The following ZDHHC6 variants were observed in gnomAD, a reference collection of about 807,000 sequenced individuals.
The protein encoded by ZDHHC6 is zDHHC palmitoyltransferase 6, also known as palmitoyltransferase ZDHHC6.
In ZDHHC6, 32 loss-of-function variants were observed where a neutral mutation model predicts 57.8. The observed-to-expected ratio is 0.55, with a 90% CI of 0.42 to 0.74. The LOEUF (loss-of-function observed/expected upper bound fraction) is 0.74. ZDHHC6 is among the 30% of genes least tolerant of loss of function. The pLI, the probability that ZDHHC6 is intolerant of heterozygous loss-of-function variation, is 0.00. For missense variants in ZDHHC6, 433 were observed against 500.7 expected, an observed-to-expected ratio of 0.86 and a Z score of 1.29; for synonymous variants, 128 against 158.0, an observed-to-expected ratio of 0.81 and a Z score of 1.42.
intron 5 of ZDHHC6, 66 bp downstream of exon 5, chr10:112,440,468 T>C: frequency 6.7e-7 from 1 of 1,499,954 alleles, no homozygotes; most frequent in Non-Finnish European, 9.0e-7. Flanking sequence ...ACAGGCTTTG[T>C]CTCTTTCTTG....
At chr10:112,426,158 A>G, downstream of ZDHHC6, 1 of 918,164 alleles carries the variant, frequency 1.1e-6, no homozygotes, top group Non-Finnish European at 1.7e-6. Context: ...TTTTGGGGAA[A>G]TAACTATTAC....
chr10:112,433,354 A>C, intron 7 of ZDHHC6, 73 bp from the exon 8 acceptor site: 1 of 1,258,586 alleles, frequency 7.9e-7, no homozygotes, highest in Non-Finnish European at 1.1e-6. Context: ...TTCCTCATCA[A>C]CTGTCAGAGT....
Position 112,440,624 on chromosome 10 carries a change from T to C in ZDHHC6, c.591A>G (p.Pro197=), listed in dbSNP as rs58441468. Residue 197 remains proline (P), a synonymous_variant, in exon 5 of 11, where the codon CCA becomes CCG. Coordinates refer to ENST00000369405, the MANE Select transcript of ZDHHC6 (RefSeq NM_022494.3). ...TGGTAGCAAATGCAGCTAATCCAAA[T>C]GGAACAATTGGAAGAGGATCTCTCC... is the stretch of plus-strand genomic sequence containing the variant. The part of the protein sequence containing the change: ...AARRDPLPIV[P]FGLAAFATTL... 2.0e-5 allele frequency: 32 copies of C among 1,614,098 alleles called. No individual in the cohort carries two copies. The highest frequency in any genetic ancestry group is 2.7e-5 in the Non-Finnish European group (32 of 1,179,996).
chr10:112,424,532 A>G (rs1338788196), exon 12 of ZDHHC6: 1 of 152,246 alleles, frequency 6.6e-6, no homozygotes, highest in African/African-American at 2.4e-5. Flanking sequence ...CTAGGATGTA[A>G]GCAACAGATA....
chr10:112,440,666 G>A lies in ZDHHC6; in HGVS notation c.549C>T (p.Ile183=), dbSNP rs747400507. The A allele has an allele frequency of 1.5e-5, 25 of 1,613,578 alleles. No individual in the cohort carries two copies. Among genetic ancestry groups the A allele is most frequent in the East Asian group, 8.9e-5 (4 of 44,878 alleles). Reference sequence around the variant, plus strand: ...GATCTCTCCGGGCTGCACTCATGTCGATCTTCACTGTGTTCCACCCAAAGG... The same window carrying A: ...GATCTCTCCGGGCTGCACTCATGTCAATCTTCACTGTGTTCCACCCAAAGG... ...RLSFGWNTVK[I]DMSAARRDPL... The change falls in exon 5 of 11, where the codon ATC becomes ATT. Residue 183 remains isoleucine, a synonymous_variant. Transcript: ENST00000369405.
intron 5 of ZDHHC6, 146 bp from the exon 6 acceptor site, chr10:112,438,535 C>G (rs1422040325): frequency 3.2e-6 from 2 of 626,150 alleles, no homozygotes; most frequent in Non-Finnish European, 4.8e-6. Flanking sequence ...CCACAATTAC[C>G]ATGTCATCCG....
chr10:112,440,016 C>T (rs1845954977), intron 5 of ZDHHC6, among the ~76,000 whole-genome samples: 1 of 152,000 alleles, frequency 6.6e-6, no homozygotes, highest in Admixed American at 6.6e-5. Context: ...TAAATATATA[C>T]TATTATAAAA....
intron 5 of ZDHHC6, 111 bp from the exon 6 acceptor site, chr10:112,438,500 T>G: frequency 1.1e-6 from 1 of 884,904 alleles, no homozygotes; most frequent in South Asian, 2.1e-5. Flanking sequence ...TAGACAAAGA[T>G]ACCAAGGATA....
At chr10:112,426,083 G>A (rs1009249341), downstream of ZDHHC6, among the ~76,000 whole-genome samples, 1 of 58,512 alleles carries the variant, frequency 1.7e-5, no homozygotes, top group South Asian at 9.2e-4. Flanking sequence ...GTGGGAAAAT[G>A]GGATTACAGT....
intron 8 of ZDHHC6, 142 bp from the exon 9 acceptor site, chr10:112,432,663 C>T: frequency 1.0e-6 from 1 of 983,234 alleles, no homozygotes; most frequent in South Asian, 1.8e-5. Context: ...CCTCCCAGTT[C>T]CCCATCCACC....
At chr10:112,428,677 A>G (rs2133711079), downstream of ZDHHC6, among the ~76,000 whole-genome samples, 1 of 152,152 alleles carries the variant, frequency 6.6e-6, no homozygotes, top group African/African-American at 2.4e-5. Context: ...AGATTGAGGC[A>G]GGAGAATGGC....
chr10:112,445,473 T>C lies in ZDHHC6; in HGVS notation c.-37A>G. ...AGAATGCCTTCCTACTTTAAAAGAA[T>C]TATAGATTTCCTTTTTCTGTGCGCA... On this transcript the variant is annotated 5_prime_UTR_variant, in exon 2 of 11. Transcript: ENST00000369405. The C allele has an allele frequency of 1.3e-6, 2 of 1,597,558 alleles. No individual in the cohort carries two copies. The highest frequency in any genetic ancestry group is 1.7e-6 in the Non-Finnish European group (2 of 1,171,412).
intron 3 of ZDHHC6, among the ~76,000 whole-genome samples, chr10:112,443,193 T>C (rs1280013618): frequency 6.6e-6 from 1 of 152,238 alleles, no homozygotes; most frequent in African/African-American, 2.4e-5. Context: ...AGATGGCAGC[T>C]GACTAACACA....
intron 6 of ZDHHC6, among the ~76,000 whole-genome samples, chr10:112,436,830 A>T (rs1202399539): frequency 6.6e-6 from 1 of 152,218 alleles, no homozygotes; most frequent in African/African-American, 2.4e-5. Context: ...ACTCTCAAGG[A>T]GATGTCCTTT....
intron 10 of ZDHHC6, 150 bp from the exon 11 acceptor site, chr10:112,431,057 G>A: frequency 1.6e-6 from 1 of 641,480 alleles, no homozygotes; most frequent in South Asian, 2.3e-5. Flanking sequence ...AGTTTGAAGG[G>A]GAAAAAAATA....
intron 5 of ZDHHC6, among the ~76,000 whole-genome samples, chr10:112,438,991 G>T (rs1305324714): frequency 1.3e-5 from 2 of 152,108 alleles, no homozygotes; most frequent in African/African-American, 2.4e-5. Context: ...ATTTTTCAAA[G>T]AATTTGGTCC....
downstream of ZDHHC6, among the ~76,000 whole-genome samples, chr10:112,428,818 G>A (rs1844841148): frequency 6.6e-6 from 1 of 152,006 alleles, no homozygotes; most frequent in South Asian, 2.1e-4. Flanking sequence ...ATGCCTGGTT[G>A]CCACTCCAGG....
Position 112,434,456 on chromosome 10 carries a change from A to G in ZDHHC6, c.744T>C (p.Asp248=), listed in dbSNP as rs1338489617. ...IESWIEEKAK[D]RIQYYQLDEV... is the part of the protein sequence containing the mutation. ...CATCTAGTTGATAATACTGAATTCG[A>G]TCTTTAGCCTGTGGGTAACAAAGAT... The change falls in exon 7 of 11, where the codon GAT becomes GAC. Residue 248 remains aspartate (D), a synonymous_variant. Transcript: ENST00000369405. The G allele has an allele frequency of 6.2e-7, 1 of 1,611,560 alleles. No homozygotes were observed. The highest frequency in any genetic ancestry group is 8.5e-7 in the Non-Finnish European group (1 of 1,178,882).
chr10:112,429,874 C>G (rs558791479), downstream of ZDHHC6, among the ~76,000 whole-genome samples: 1 of 151,670 alleles, frequency 6.6e-6, no homozygotes, highest in South Asian at 2.1e-4. Flanking sequence ...TCAGAGCTCA[C>G]GTACACCTGG....
Sources: allele counts gnomAD v4.1 joint callset (sites outside exome capture counted in the v4.1 genomes callset), GRCh38; gene constraint gnomAD v4.1.1; transcripts MANE v1.5; gene names NCBI Gene and HGNC (gene_info 2026-07-23, HGNC 2026-07-21).